Variants in DGKB observed in about 807,000 individuals in gnomAD.
The protein encoded by DGKB is diacylglycerol kinase beta, also known as 90 kDa diacylglycerol kinase.
DGKB carries 67 observed loss-of-function variants against 114.3 expected under a neutral mutation model. The ratio of observed to expected loss-of-function variants is 0.59; its 90% CI spans 0.48 to 0.72. The LOEUF is 0.72. DGKB is among the 30% of genes least tolerant of loss of function. DGKB has a pLI of 0.00. For synonymous variants in DGKB, 398 were observed against 323.1 expected (o/e 1.23, Z -2.49); for missense variants, 907 against 975.2 (o/e 0.93, Z 0.93).
At chr7:14,211,246 T>A in intron 23 of DGKB, among the ~76,000 whole-genome samples, 1 of 152,040 alleles carries the variant, frequency 6.6e-6, no homozygotes. Context: ...TTGAAACGTG[T>A]GACCATTACT....
intron 23 of DGKB, among the ~76,000 whole-genome samples, chr7:14,188,992 A>C (rs1299938325): frequency 1.3e-5 from 2 of 152,204 alleles, no homozygotes; most frequent in Non-Finnish European, 1.5e-5. Flanking sequence ...GAAAAAGCTA[A>C]GGGAATTCAT....
intron 2 of DGKB, among the ~76,000 whole-genome samples, chr7:14,790,936 G>A (rs537172142): frequency 5.0e-4 from 76 of 152,152 alleles, no homozygotes; most frequent in African/African-American, 1.8e-3. Flanking sequence ...TCCCAACCAT[G>A]AATTGTATAT....
intron 23 of DGKB, among the ~76,000 whole-genome samples, chr7:14,323,772 A>T (rs1387973246): frequency 1.3e-5 from 2 of 152,298 alleles, no homozygotes; most frequent in Non-Finnish European, 1.5e-5. Context: ...ACACATATTA[A>T]ACTATTGAGT....
chr7:14,582,686 T>G (rs1231936218), intron 18 of DGKB, among the ~76,000 whole-genome samples: 1 of 152,082 alleles, frequency 6.6e-6, no homozygotes, highest in Non-Finnish European at 1.5e-5. Context: ...AGGGTCCATG[T>G]TTTAAAAACG....
At chr7:14,300,611 T>TCTC (rs1803370701) in intron 23 of DGKB, among the ~76,000 whole-genome samples, 2 of 152,116 alleles carry the variant, frequency 1.3e-5, no homozygotes, top group Non-Finnish European at 2.9e-5. Flanking sequence ...AAATATTCTC[T>TCTC]TAGTTTTATA....
At position 14,166,368 on chromosome 7, in the gene DGKB, G is replaced by A. The variant is rs187180385; in HGVS notation, c.2304+10471C>T. 1.2e-3 allele frequency among the ~76,000 whole-genome samples: 181 copies of A among 152,294 alleles called. 1 individual carries two copies. The highest frequency in any genetic ancestry group is 4.1e-3 in the African/African-American group (170 of 41,548). On this transcript the variant is annotated intron_variant, in intron 25 of 25. Coordinates refer to ENST00000402815, the MANE Select transcript of DGKB (RefSeq NM_001350709.2). ...TTTTCTCAAATTGGGTATGTTTTAA[G>A]ATTCAAGGTTTAGGGCATTTATTAG...
intron 6 of DGKB, among the ~76,000 whole-genome samples, chr7:14,711,348 G>A (rs1255723791): frequency 6.6e-6 from 1 of 151,926 alleles, no homozygotes. Context: ...TCAAGGTCAA[G>A]GATAGAACTT....
chr7:14,671,353 C>T (rs998351160), intron 13 of DGKB, among the ~76,000 whole-genome samples: 7 of 152,100 alleles, frequency 4.6e-5, no homozygotes, highest in Non-Finnish European at 7.3e-5. Context: ...ATAGTCATCA[C>T]ACGCTTCAGA....
At chr7:14,491,901 A>C (rs1784651532) in intron 20 of DGKB, among the ~76,000 whole-genome samples, 1 of 152,056 alleles carries the variant, frequency 6.6e-6, no homozygotes, top group Non-Finnish European at 1.5e-5. Context: ...CTAACTTGTT[A>C]GAAAAATTGA....
At chr7:14,549,520 A>G (rs1794807618) in intron 20 of DGKB, among the ~76,000 whole-genome samples, 1 of 152,150 alleles carries the variant, frequency 6.6e-6, no homozygotes, top group Admixed American at 6.5e-5. Context: ...ACTTTATATT[A>G]AATACAACAT....
chr7:14,692,895 T>C (rs549782070), intron 9 of DGKB, among the ~76,000 whole-genome samples: 6 of 152,204 alleles, frequency 3.9e-5, no homozygotes, highest in South Asian at 4.1e-4. Flanking sequence ...TATTATTTTT[T>C]CCTAAACTTA....
chr7:14,633,995 C>T (rs79877929), intron 13 of DGKB, among the ~76,000 whole-genome samples: 5,009 of 151,036 alleles, frequency 0.033, 269 homozygotes, highest in African/African-American at 0.12. Context: ...TGTCATAGGA[C>T]AAAGAAAAAT....
intron 20 of DGKB, among the ~76,000 whole-genome samples, chr7:14,532,179 G>T (rs1357143230): frequency 6.7e-6 from 1 of 148,476 alleles, no homozygotes; most frequent in Non-Finnish European, 1.5e-5. Context: ...AACACCAAAA[G>T]AATAGCTCAG....
At chr7:14,808,004 C>G (rs1842972284) in intron 2 of DGKB, among the ~76,000 whole-genome samples, 1 of 151,900 alleles carries the variant, frequency 6.6e-6, no homozygotes, top group Admixed American at 6.6e-5. Flanking sequence ...TCTTACAAAG[C>G]TAAGATGTCA....
intron 1 of DGKB, among the ~76,000 whole-genome samples, chr7:14,961,809 C>T (rs1786859998): frequency 6.6e-6 from 1 of 152,070 alleles, no homozygotes; most frequent in African/African-American, 2.4e-5. Flanking sequence ...CCACCCACAG[C>T]CCTTTTTTTA....
chr7:14,242,363 G>A (rs994426848), intron 23 of DGKB, among the ~76,000 whole-genome samples: 3 of 152,168 alleles, frequency 2.0e-5, no homozygotes, highest in African/African-American at 7.2e-5. Flanking sequence ...CCTCCTGTGT[G>A]ACTTTCTGTG....
chr7:14,642,591 A>C (rs543289410), intron 13 of DGKB, among the ~76,000 whole-genome samples: 3 of 152,346 alleles, frequency 2.0e-5, no homozygotes, highest in South Asian at 4.1e-4. Flanking sequence ...ATAATAAAAA[A>C]TATTTTCTCT....
At chr7:14,390,556 T>C (rs1821154914) in intron 21 of DGKB, among the ~76,000 whole-genome samples, 1 of 152,200 alleles carries the variant, frequency 6.6e-6, no homozygotes, top group Non-Finnish European at 1.5e-5. Flanking sequence ...AGCTATTTTA[T>C]ACACTTAATT....
At position 14,917,758 on chromosome 7, in the gene DGKB, C is replaced by T. The variant is rs533597440; in HGVS notation, c.-188+56938G>A. Among the ~76,000 whole-genome samples the T allele has an allele frequency of 2.0e-5, 3 of 151,950 alleles. No individual in the cohort carries two copies. The South Asian group carries it at 6.2e-4, about 32-fold the overall frequency. On this transcript the variant is annotated intron_variant, in intron 1 of 4. Coordinates refer to the DGKB transcript ENST00000437998. ...AAATACAAGCAGAAAGACCACTTCC[C>T]AACTCATTCTATGAAGCTAGCATTA... is the stretch of plus-strand genomic sequence containing the variant.
Sources: gnomAD v4.1 joint callset for allele counts (sites outside exome capture counted in the v4.1 genomes callset) on GRCh38, gnomAD v4.1.1 for gene constraint, MANE v1.5 for transcripts, NCBI Gene and HGNC (gene_info 2026-07-23, HGNC 2026-07-21) for gene names.